Variants in RASEF observed in about 807,000 individuals in gnomAD.
RASEF encodes ras and EF-hand domain-containing protein.
A neutral mutation model predicts 90.1 loss-of-function variants in RASEF; 68 were observed. That is an observed-to-expected ratio of 0.75 (90% CI 0.62 to 0.92). The LOEUF (loss-of-function observed/expected upper bound fraction) is 0.92, where lower values mean the gene tolerates loss of function less well. RASEF is among the 40% of genes least tolerant of loss of function. The pLI is 0.00. For synonymous variants in RASEF, 331 were observed against 345.2 expected, an observed-to-expected ratio of 0.96 and a Z score of 0.46; for missense variants, 949 against 937.2, an observed-to-expected ratio of 1.01 and a Z score of -0.16.
Position 83,000,902 on chromosome 9 carries a change from G to A in RASEF, c.1431C>T (p.Asp477=), listed in dbSNP as rs577011447. The change falls in exon 10 of 17, where the codon GAC becomes GAT. Residue 477 remains aspartate (D), a synonymous_variant. Transcript: ENST00000376447. ...VQESFGGDAS[D]TDVPDIRDEE... ...AGTGGTTTCTGGGGCTTACATCTGT[G>A]TCTGAAGCATCACCTCCAAAGCTCT... The A allele has an allele frequency of 1.9e-6, 3 of 1,613,084 alleles. No individual in the cohort carries two copies. Among genetic ancestry groups the A allele is most frequent in the Non-Finnish European group, 2.5e-6 (3 of 1,179,080 alleles).
At chr9:83,200,598 C>A in the RASEF span, among the ~76,000 whole-genome samples, 1 of 152,166 alleles carries the variant, frequency 6.6e-6, no homozygotes, top group African/African-American at 2.4e-5. Flanking sequence ...TATTGTCTCC[C>A]TTTGCTGCCT....
chr9:83,199,637 C>T, the RASEF span, among the ~76,000 whole-genome samples: 3 of 152,182 alleles, frequency 2.0e-5, no homozygotes, highest in Non-Finnish European at 4.4e-5. Context: ...CAACATCTGT[C>T]AGCAAGAGGC....
intron 3 of RASEF, among the ~76,000 whole-genome samples, chr9:83,016,790 C>T (rs948623986): frequency 6.6e-6 from 1 of 152,136 alleles, no homozygotes; most frequent in Non-Finnish European, 1.5e-5. Context: ...GCAGCATGCT[C>T]CCACATCTGA....
intron 1 of RASEF, among the ~76,000 whole-genome samples, chr9:83,028,125 A>T (rs1829580672): frequency 6.6e-6 from 1 of 152,232 alleles, no homozygotes; most frequent in Admixed American, 6.5e-5. Context: ...ACCAGCATCA[A>T]ATAATTCTAT....
At chr9:83,112,963 T>TA in the RASEF span, among the ~76,000 whole-genome samples, 1 of 152,182 alleles carries the variant, frequency 6.6e-6, no homozygotes, top group Non-Finnish European at 1.5e-5. Context: ...GATTCTAATT[T>TA]AAAAAATTGT....
the RASEF span, among the ~76,000 whole-genome samples, chr9:83,206,075 T>C: frequency 6.6e-6 from 1 of 152,216 alleles, no homozygotes; most frequent in Non-Finnish European, 1.5e-5. Context: ...ATAAATCTTA[T>C]AAAAAATATT....
At chr9:83,082,379 G>A in the RASEF span, among the ~76,000 whole-genome samples, 2 of 152,190 alleles carry the variant, frequency 1.3e-5, no homozygotes, top group Non-Finnish European at 2.9e-5. Context: ...AACAACGCTT[G>A]ATTAGCCCTA....
At chr9:83,034,214 C>T (rs1829698743) in intron 1 of RASEF, among the ~76,000 whole-genome samples, 1 of 152,214 alleles carries the variant, frequency 6.6e-6, no homozygotes, top group Admixed American at 6.5e-5. Flanking sequence ...GAATGGCTAT[C>T]CAGCTCTCCA....
At chr9:83,124,910 CA>C in the RASEF span, among the ~76,000 whole-genome samples, 1 of 152,060 alleles carries the variant, frequency 6.6e-6, no homozygotes, top group Non-Finnish European at 1.5e-5. Flanking sequence ...AGGCCATTAG[CA>C]AAACCTGGAA....
At chr9:83,150,858 C>T in the RASEF span, among the ~76,000 whole-genome samples, 1 of 152,124 alleles carries the variant, frequency 6.6e-6, no homozygotes, top group Non-Finnish European at 1.5e-5. Context: ...AAGACAAAAA[C>T]TGCAACCAAA....
chr9:83,209,022 C>T, the RASEF span, among the ~76,000 whole-genome samples: 2 of 152,200 alleles, frequency 1.3e-5, no homozygotes, highest in Non-Finnish European at 1.5e-5. Context: ...ACAAAGGCAT[C>T]AGCCACCATA....
Position 83,034,967 on chromosome 9 carries a change from A to G in RASEF, c.432-9046T>C, listed in dbSNP as rs112202891. Among the ~76,000 whole-genome samples the G allele has an allele frequency of 6.1e-3, 929 of 152,054 alleles. 12 individuals carry two copies. The highest frequency in any genetic ancestry group is 0.021 in the African/African-American group (860 of 41,492). ...TTATTATTCTTAACTCCACTCCCCA[A>G]CTGGGTTAAAAAGAAGTAGATGGTT... On this transcript the variant is annotated intron_variant, in intron 1 of 16. Coordinates refer to ENST00000376447, the MANE Select transcript of RASEF (RefSeq NM_152573.4).
the RASEF span, among the ~76,000 whole-genome samples, chr9:83,115,073 T>C: frequency 6.6e-6 from 1 of 152,172 alleles, no homozygotes; most frequent in South Asian, 2.1e-4. Context: ...AATTTCTCTC[T>C]TTGTACTCTG....
At chr9:83,158,202 T>A in the RASEF span, among the ~76,000 whole-genome samples, 1 of 152,160 alleles carries the variant, frequency 6.6e-6, no homozygotes, top group East Asian at 1.9e-4. Flanking sequence ...TCAATAAGGA[T>A]TATTTTCTTC....
intron 5 of RASEF, among the ~76,000 whole-genome samples, chr9:83,011,403 T>A (rs905815570): frequency 6.6e-6 from 1 of 151,614 alleles, no homozygotes; most frequent in East Asian, 2.0e-4. Context: ...ACTCAAAAAT[T>A]TAGCGGGGCG....
the RASEF span, among the ~76,000 whole-genome samples, chr9:83,131,280 G>T: frequency 1.3e-5 from 2 of 152,154 alleles, no homozygotes; most frequent in African/African-American, 4.8e-5. Context: ...GCCAATAACA[G>T]AGAAAATAAA....
chr9:83,015,782 A>G (rs1419193325), intron 4 of RASEF, 23 bp downstream of exon 4: 1 of 1,562,590 alleles, frequency 6.4e-7, no homozygotes, highest in South Asian at 1.1e-5. Context: ...CTGTTCCTAC[A>G]AGTCCAGCTG....
At chr9:83,110,611 G>C in the RASEF span, among the ~76,000 whole-genome samples, 1 of 152,106 alleles carries the variant, frequency 6.6e-6, no homozygotes, top group Admixed American at 6.5e-5. Context: ...AAAGAGGAGA[G>C]TCAGAAGAGA....
chr9:83,130,205 C>T, the RASEF span, among the ~76,000 whole-genome samples: 1 of 152,198 alleles, frequency 6.6e-6, no homozygotes, highest in Non-Finnish European at 1.5e-5. Flanking sequence ...ATAATCTCAT[C>T]TTTTAAAATA....
Sources: allele counts gnomAD v4.1 joint callset (sites outside exome capture counted in the v4.1 genomes callset), GRCh38; gene constraint gnomAD v4.1.1; transcripts MANE v1.5; gene names NCBI Gene and HGNC (gene_info 2026-07-23, HGNC 2026-07-21).